Variants in SYT16 observed in about 807,000 individuals in gnomAD.
SYT16 encodes the protein synaptotagmin-16.
In SYT16, 42 loss-of-function variants were observed where a neutral mutation model predicts 61.4. The ratio of observed to expected loss-of-function variants is 0.68; its 90% CI spans 0.53 to 0.89. The LOEUF is 0.89. Among genes scored for constraint, SYT16 ranks in the 40% least tolerant of loss-of-function variants. SYT16 has a pLI of 0.00. For synonymous variants in SYT16, 314 were observed against 302.3 expected (o/e 1.04, Z -0.40); for missense variants, 804 against 807.3 (o/e 1.00, Z 0.05).
rs556558865 is a variant in SYT16 at position 62,032,655 on chromosome 14, G to A, written c.523+36113G>A. On this transcript the variant is annotated intron_variant, in intron 3 of 7. Coordinates refer to ENST00000683842, the MANE Select transcript of SYT16 (RefSeq NM_001367656.1). ...AGTTTTGCAAGCAAAACTCTCATCCGGAAGTTTTGGAAATCTGATTAAACA... is the reference window on the plus strand; with the variant it reads ...AGTTTTGCAAGCAAAACTCTCATCCAGAAGTTTTGGAAATCTGATTAAACA... Among the ~76,000 whole-genome samples the A allele has an allele frequency of 4.6e-5, 7 of 151,812 alleles. No homozygotes were observed. In the South Asian group the frequency reaches 1.2e-3, roughly 27 times the overall value.
intron 1 of SYT16, among the ~76,000 whole-genome samples, chr14:61,910,548 T>A (rs1362553333): frequency 8.0e-6 from 1 of 124,754 alleles, no homozygotes; most frequent in Admixed American, 8.4e-5. Flanking sequence ...TTTTTTTTTT[T>A]GAGACAGGTT....
intron 4 of SYT16, among the ~76,000 whole-genome samples, chr14:62,073,174 G>C (rs1027601643): frequency 6.6e-5 from 10 of 152,092 alleles, no homozygotes; most frequent in Admixed American, 2.0e-4. Flanking sequence ...ATGTTTTTCA[G>C]TTATGAATAA....
chr14:62,075,086 A>G lies in SYT16; in HGVS notation c.737-49A>G, dbSNP rs776593873. 1.9e-6 allele frequency: 3 copies of G among 1,541,778 alleles called. No individual in the cohort carries two copies. In the South Asian group the frequency reaches 3.6e-5, roughly 19 times the overall value. Reference sequence around the variant, plus strand: ...AATTACTCAATTTCTCTAGGTAAAAAGGTGTTAAAAATAATGCATTTGAAA... The same window carrying G: ...AATTACTCAATTTCTCTAGGTAAAAGGGTGTTAAAAATAATGCATTTGAAA... On this transcript the variant is annotated intron_variant, in intron 4 of 7. Transcript: ENST00000683842.
intron 7 of SYT16, among the ~76,000 whole-genome samples, chr14:62,097,132 A>G (rs1237916550): frequency 6.6e-6 from 1 of 152,150 alleles, no homozygotes; most frequent in Non-Finnish European, 1.5e-5. Context: ...TCTGAGTTCC[A>G]AATGACATAC....
chr14:62,017,093 G>C (rs2053716630), intron 3 of SYT16, among the ~76,000 whole-genome samples: 2 of 152,100 alleles, frequency 1.3e-5, no homozygotes, highest in Non-Finnish European at 2.9e-5. Context: ...ATGCTCTTTT[G>C]GGTTGCTCTG....
chr14:62,061,654 G>T (rs1287468147), intron 3 of SYT16, among the ~76,000 whole-genome samples: 1 of 152,108 alleles, frequency 6.6e-6, no homozygotes, highest in African/African-American at 2.4e-5. Flanking sequence ...AAAGAAAGAA[G>T]TATGTTTTGT....
intron 1 of SYT16, among the ~76,000 whole-genome samples, chr14:61,835,517 C>T (rs1163461629): frequency 6.6e-6 from 1 of 151,472 alleles, no homozygotes; most frequent in Non-Finnish European, 1.5e-5. Context: ...CTTGGCCTCC[C>T]AAAGTGCTGG....
chr14:62,088,602 T>A (rs2056965468), intron 7 of SYT16, among the ~76,000 whole-genome samples: 1 of 152,254 alleles, frequency 6.6e-6, no homozygotes, highest in Admixed American at 6.5e-5. Flanking sequence ...TTTGTACATT[T>A]CACTTTAGGT....
chr14:61,930,649 T>C (rs2140425130), intron 1 of SYT16, among the ~76,000 whole-genome samples: 1 of 152,178 alleles, frequency 6.6e-6, no homozygotes, highest in African/African-American at 2.4e-5. Context: ...TTAGGTTACA[T>C]GACAATGGGT....
chr14:61,995,420 C>G (rs938470503), intron 2 of SYT16, among the ~76,000 whole-genome samples: 3 of 152,146 alleles, frequency 2.0e-5, no homozygotes, highest in Non-Finnish European at 2.9e-5. Flanking sequence ...TTGTTTAAAG[C>G]TTTTTAATTC....
intron 2 of SYT16, among the ~76,000 whole-genome samples, chr14:61,973,042 T>TA (rs1005733577): frequency 9.2e-5 from 14 of 152,112 alleles, no homozygotes; most frequent in Admixed American, 1.3e-4. Flanking sequence ...TTTTTGTTGA[T>TA]AAAAAAATGA....
intron 1 of SYT16, among the ~76,000 whole-genome samples, chr14:61,849,371 C>T (rs921198643): frequency 3.0e-4 from 45 of 152,144 alleles, no homozygotes; most frequent in Admixed American, 2.8e-3. Context: ...GGTTCTGAGC[C>T]CAGCACAGCA....
In SYT16 at chr14:62,080,999, T is replaced by C; in HGVS notation, c.1159T>C (p.Ser387Pro). Reference protein sequence around the residue: ...LPDKDRSGVNSWQVHVVLLPG... With the variant: ...LPDKDRSGVNPWQVHVVLLPG... ...AGATAAGGACCGAAGTGGTGTCAAC[T>C]CCTGGCAAGTTCATGTAGTGCTGCT... Residue 387 changes from serine (S) to proline (P), a missense_variant, in exon 6 of 8, where the codon TCC (serine) becomes CCC (proline). Ser to Pro is a moderately conservative substitution (Grantham distance 74). Coordinates refer to ENST00000683842, the MANE Select transcript of SYT16 (RefSeq NM_001367656.1). 1 of 1,613,310 alleles carries C rather than the reference T, an allele frequency of 6.2e-7. No homozygotes were observed. Among genetic ancestry groups the C allele is most frequent in the Non-Finnish European group, 8.5e-7 (1 of 1,179,616 alleles).
chr14:61,999,540 T>G (rs1233871256), intron 3 of SYT16, among the ~76,000 whole-genome samples: 1 of 151,714 alleles, frequency 6.6e-6, no homozygotes, highest in Non-Finnish European at 1.5e-5. Context: ...CACCTACCTA[T>G]CTGTGTTTTT....
At chr14:61,895,624 T>C (rs928631721) in intron 1 of SYT16, among the ~76,000 whole-genome samples, 2 of 152,216 alleles carry the variant, frequency 1.3e-5, no homozygotes, top group African/African-American at 4.8e-5. Context: ...TTACTATTAC[T>C]GCTACCCCCA....
intron 3 of SYT16, among the ~76,000 whole-genome samples, chr14:62,043,950 G>A (rs2054855145): frequency 6.6e-6 from 1 of 152,136 alleles, no homozygotes; most frequent in African/African-American, 2.4e-5. Context: ...TGGGATTACA[G>A]GCATGAACCA....
At position 61,969,531 on chromosome 14, in the gene SYT16, T is replaced by C. The variant is rs558143280; in HGVS notation, c.-324-601T>C. 7.9e-4 allele frequency among the ~76,000 whole-genome samples: 121 copies of C among 152,310 alleles called. 1 individual carries two copies. Among genetic ancestry groups the C allele is most frequent in the Admixed American group, 8.5e-4 (13 of 15,286 alleles). On this transcript the variant is annotated intron_variant, in intron 1 of 7. Transcript: ENST00000683842. ...ATCTGCCAAAATTCTAAAATATTAG[T>C]AGTCAAAACTACAATTTGCATTTCT... is the stretch of plus-strand genomic sequence containing the variant.
chr14:61,953,546 G>A (rs1294054565), intron 1 of SYT16, among the ~76,000 whole-genome samples: 1 of 152,090 alleles, frequency 6.6e-6, no homozygotes, highest in Non-Finnish European at 1.5e-5. Flanking sequence ...TAAATTGCTG[G>A]TGACACTGAA....
intron 3 of SYT16, among the ~76,000 whole-genome samples, chr14:62,014,473 A>G (rs1451269538): frequency 6.6e-6 from 1 of 151,348 alleles, no homozygotes; most frequent in Non-Finnish European, 1.5e-5. Context: ...GTCTATTCCA[A>G]TAATGTCCAG....
Sources: gnomAD v4.1 joint callset for allele counts (sites outside exome capture counted in the v4.1 genomes callset) on GRCh38, gnomAD v4.1.1 for gene constraint, MANE v1.5 for transcripts, NCBI Gene and HGNC (gene_info 2026-07-23, HGNC 2026-07-21) for gene names.